Variants in CSMD1 observed in about 807,000 individuals in gnomAD.
The protein encoded by CSMD1 is CUB and Sushi multiple domains 1.
CSMD1 carries 213 observed loss-of-function variants against 417.5 expected under a neutral mutation model. The observed-to-expected ratio is 0.51, with a 90% CI of 0.46 to 0.57. CSMD1 has a LOEUF of 0.57. Ranked by LOEUF, CSMD1 falls within the 20% of genes least tolerant of loss-of-function variation. CSMD1 has a pLI of 0.00. For missense variants in CSMD1, 6,923 were observed against 4,529.7 expected, an observed-to-expected ratio of 1.53 and a Z score of -15.17; for synonymous variants, 2,862 against 1,736.8, an observed-to-expected ratio of 1.65 and a Z score of -16.11.
intron 3 of CSMD1, among the ~76,000 whole-genome samples, chr8:4,113,872 C>G (rs980533212): frequency 2.6e-4 from 39 of 152,136 alleles, no homozygotes; most frequent in African/African-American, 8.7e-4. Flanking sequence ...TCTATGAAGG[C>G]TGAGAGAGGT....
Position 4,572,008 on chromosome 8 carries a change from T to C in CSMD1, c.302+65334A>G, listed in dbSNP as rs1038210986. Among the ~76,000 whole-genome samples, 18 of 152,368 alleles carry C rather than the reference T, an allele frequency of 1.2e-4. No individual in the cohort carries two copies. In the East Asian group the frequency reaches 3.5e-3, roughly 29 times the overall value. ...CCCCCATCCCTTTATTTGGAGCCTA[T>C]GTGTGTCTTCGCACATGAGTCTCCT... On this transcript the variant is annotated intron_variant, in intron 2 of 69. Coordinates refer to ENST00000635120, the MANE Select transcript of CSMD1 (RefSeq NM_033225.6).
intron 3 of CSMD1, among the ~76,000 whole-genome samples, chr8:4,245,513 C>T (rs544206402): frequency 1.2e-4 from 19 of 152,122 alleles, no homozygotes; most frequent in African/African-American, 4.3e-4. Context: ...TTGGATGTTT[C>T]CCAATCCATG....
At chr8:3,921,638 C>A (rs1248038382) in intron 5 of CSMD1, among the ~76,000 whole-genome samples, 6 of 152,004 alleles carry the variant, frequency 3.9e-5, no homozygotes, top group Non-Finnish European at 8.8e-5. Flanking sequence ...TTGATTTCTT[C>A]CTTCCCCCAT....
intron 43 of CSMD1, 84 bp downstream of exon 43, chr8:3,110,074 G>A: frequency 8.9e-7 from 1 of 1,117,324 alleles, no homozygotes; most frequent in Non-Finnish European, 1.2e-6. Flanking sequence ...CTAAATATGT[G>A]CCTTGTATAT....
chr8:4,523,903 T>C (rs2130413860), intron 2 of CSMD1, among the ~76,000 whole-genome samples: 1 of 152,270 alleles, frequency 6.6e-6, no homozygotes, highest in East Asian at 1.9e-4. Context: ...CCAATCATGA[T>C]GCTATTTCTA....
intron 3 of CSMD1, among the ~76,000 whole-genome samples, chr8:4,305,501 TC>T (rs998825565): frequency 6.6e-6 from 1 of 152,204 alleles, no homozygotes; most frequent in Non-Finnish European, 1.5e-5. Context: ...GGCACTGCTT[TC>T]CCTGAGGGCA....
intron 2 of CSMD1, among the ~76,000 whole-genome samples, chr8:4,635,017 T>C (rs1802740898): frequency 1.3e-5 from 2 of 152,062 alleles, no homozygotes; most frequent in African/African-American, 2.4e-5. Flanking sequence ...GGAAGAAATA[T>C]AAAATGGAAT....
chr8:4,205,915 T>G (rs965275937), intron 3 of CSMD1, among the ~76,000 whole-genome samples: 1 of 152,174 alleles, frequency 6.6e-6, no homozygotes, highest in Non-Finnish European at 1.5e-5. Context: ...CGAGTCCTCC[T>G]GCAGCCACGT....
At chr8:3,944,341 G>C (rs533305516) in intron 5 of CSMD1, among the ~76,000 whole-genome samples, 8 of 152,080 alleles carry the variant, frequency 5.3e-5, no homozygotes, top group Non-Finnish European at 1.2e-4. Flanking sequence ...ATTTTTTAAA[G>C]AATAATTTTT....
intron 3 of CSMD1, among the ~76,000 whole-genome samples, chr8:4,070,574 G>T (rs1585248926): frequency 1.3e-5 from 2 of 152,148 alleles, no homozygotes; most frequent in Middle Eastern, 3.4e-3. Flanking sequence ...AGCCAGGATG[G>T]TCTCGTTCTC....
At chr8:4,344,374 T>C (rs1228586643) in intron 3 of CSMD1, among the ~76,000 whole-genome samples, 3 of 152,054 alleles carry the variant, frequency 2.0e-5, no homozygotes, top group Admixed American at 6.6e-5. Context: ...CATACTCCCA[T>C]ACGCTCAAGC....
intron 5 of CSMD1, among the ~76,000 whole-genome samples, chr8:3,955,117 C>CTT (rs1446275379): frequency 2.0e-3 from 304 of 152,286 alleles, no homozygotes; most frequent in Middle Eastern, 3.4e-3. Flanking sequence ...TCTCCTGCCC[C>CTT]CCTCATACCT....
chr8:4,161,368 T>C (rs1797151626), intron 3 of CSMD1, among the ~76,000 whole-genome samples: 1 of 152,226 alleles, frequency 6.6e-6, no homozygotes, highest in South Asian at 2.1e-4. Context: ...AAATGCAGGC[T>C]TTCAGCCACA....
chr8:4,407,586 A>G (rs1563141364), intron 3 of CSMD1, among the ~76,000 whole-genome samples: 3 of 152,196 alleles, frequency 2.0e-5, no homozygotes, highest in Admixed American at 1.3e-4. Flanking sequence ...ATGATACCTC[A>G]CTTAAATTTC....
chr8:3,769,460 T>C (rs953854376), intron 5 of CSMD1, among the ~76,000 whole-genome samples: 1 of 111,358 alleles, frequency 9.0e-6, no homozygotes. Flanking sequence ...CTGAACTCAT[T>C]GTTTTTCTTC....
chr8:2,978,662 A>G lies in CSMD1; in HGVS notation c.8516T>C (p.Leu2839Ser). 6.2e-7 allele frequency: 1 copy of G among 1,608,224 alleles called. No individual in the cohort carries two copies. Among genetic ancestry groups the G allele is most frequent in the Non-Finnish European group, 8.5e-7 (1 of 1,177,182 alleles). The change falls in exon 55 of 70, where the codon TTG becomes TCG. Residue 2839 changes from leucine (L) to serine (S), a missense_variant. Physicochemically the swap from Leu to Ser is moderately radical, Grantham distance 145. Transcript: ENST00000635120. ...CCATAAGCCATTTGCCATACAGGTC[A>G]AGGCTGAAGATCCCAGCAAGTAAAA... Reference protein sequence around the residue: ...KGFYLLGSSALTCMANGLWDR... With the variant: ...KGFYLLGSSASTCMANGLWDR...
intron 10 of CSMD1, among the ~76,000 whole-genome samples, chr8:3,507,025 T>G (rs1386900408): frequency 2.0e-5 from 3 of 152,204 alleles, no homozygotes; most frequent in Non-Finnish European, 1.5e-5. Context: ...TTGTAAGAAT[T>G]GAACAAACGT....
chr8:3,726,918 C>T (rs1219233134), intron 6 of CSMD1, among the ~76,000 whole-genome samples: 1 of 152,200 alleles, frequency 6.6e-6, no homozygotes, highest in Non-Finnish European at 1.5e-5. Context: ...TAGCATCATA[C>T]ACAGATAACC....
intron 3 of CSMD1, among the ~76,000 whole-genome samples, chr8:4,092,108 T>C (rs1317973930): frequency 6.6e-6 from 1 of 152,222 alleles, no homozygotes; most frequent in African/African-American, 2.4e-5. Context: ...TGATTATTCT[T>C]AGAGAAATAC....
Sources: allele counts gnomAD v4.1 joint callset (sites outside exome capture counted in the v4.1 genomes callset), GRCh38; gene constraint gnomAD v4.1.1; transcripts MANE v1.5; gene names NCBI Gene and HGNC (gene_info 2026-07-23, HGNC 2026-07-21).